PRLR: variants seen among roughly 807,000 people sequenced by gnomAD.
The protein encoded by PRLR is hPRL receptor.
Under a neutral mutation model 40.2 loss-of-function variants are expected in PRLR, and 13 were observed. The ratio of observed to expected loss-of-function variants is 0.32; its 90% CI spans 0.21 to 0.51. PRLR has a LOEUF of 0.51. Among genes scored for constraint, PRLR ranks in the 20% least tolerant of loss-of-function variants. The pLI, the probability that PRLR is intolerant of heterozygous loss-of-function variation, is 0.97. For missense variants in PRLR, 656 were observed against 747.3 expected, an observed-to-expected ratio of 0.88 and a Z score of 1.42; for synonymous variants, 269 against 278.7, an observed-to-expected ratio of 0.97 and a Z score of 0.35.
chr5:35,110,367 A>AAAAAAT lies in PRLR; in HGVS notation c.-44+7688_-44+7693dup, dbSNP rs1382465152. On this transcript the variant is annotated intron_variant, in intron 2 of 9. Coordinates refer to ENST00000618457, the MANE Select transcript of PRLR (RefSeq NM_000949.7). ...ACCCTAAAACTTAAAGTATAATAAA[A>AAAAAAT]AAAAATAAGAGCAAGGATATTGTGA... Among the ~76,000 whole-genome samples the AAAAAAT allele has an allele frequency of 3.3e-5, 5 of 152,266 alleles. No homozygotes were observed. In the East Asian group the frequency reaches 9.7e-4, roughly 29 times the overall value.
At chr5:35,088,062 A>G (rs531230643) in intron 3 of PRLR, among the ~76,000 whole-genome samples, 157 of 152,350 alleles carry the variant, frequency 1.0e-3, no homozygotes, top group Middle Eastern at 6.8e-3. Flanking sequence ...AGGAGACCTC[A>G]GTGAGGAGAA....
intron 1 of PRLR, among the ~76,000 whole-genome samples, chr5:35,206,720 A>G (rs1035368287): frequency 3.9e-4 from 59 of 152,126 alleles, no homozygotes; most frequent in African/African-American, 1.4e-3. Flanking sequence ...AAATAAAAAG[A>G]AGGGTGACGA....
intron 5 of PRLR, 103 bp downstream of exon 5, chr5:35,084,367 T>G (rs113659863): frequency 1.0e-4 from 120 of 1,164,902 alleles, no homozygotes; most frequent in Non-Finnish European, 1.4e-4. Context: ...TCATCTTTCT[T>G]TTTGGGGATC....
chr5:35,160,488 T>C (rs1774643005), intron 1 of PRLR, among the ~76,000 whole-genome samples: 1 of 152,156 alleles, frequency 6.6e-6, no homozygotes, highest in African/African-American at 2.4e-5. Flanking sequence ...TAGGTTATGG[T>C]TTAAATGATA....
At chr5:35,050,914 A>G (rs1485464721), downstream of PRLR, among the ~76,000 whole-genome samples, 2 of 152,246 alleles carry the variant, frequency 1.3e-5, no homozygotes, top group Non-Finnish European at 2.9e-5. Context: ...TTAATGGATT[A>G]TGAAGAATGC....
Position 35,171,020 on chromosome 5 carries a change from C to T in PRLR, c.-105-52898G>A, listed in dbSNP as rs150564988. ...AGGGTGAATTTAGTTTCCTCTTTTC[C>T]GGCTTGTTTCTGTTTGCTGTTTTTC... On this transcript the variant is annotated intron_variant, in intron 1 of 9. Coordinates refer to ENST00000618457, the MANE Select transcript of PRLR (RefSeq NM_000949.7). Among the ~76,000 whole-genome samples the T allele has an allele frequency of 2.4e-3, 356 of 149,802 alleles. 1 individual carries two copies. The highest frequency in any genetic ancestry group is 8.2e-3 in the African/African-American group (336 of 40,772).
In PRLR at chr5:35,057,890, T is replaced by C. The variant is rs1246963917; in HGVS notation, c.*7199A>G. 1 of 152,004 alleles carries C rather than the reference T, an allele frequency of 6.6e-6. No homozygotes were observed. Among genetic ancestry groups the C allele is most frequent in the Non-Finnish European group, 1.5e-5 (1 of 67,962 alleles). The allele number at this position is 152,004 out of a possible 1,614,324, so 9.4% of individuals were successfully genotyped here. On this transcript the variant is annotated 3_prime_UTR_variant, in exon 10 of 10. Transcript: ENST00000618457. ...GACTAAAATCAAATAAGGAAAAGGGTTATTTCTAGGGGGGTTACAGAAGTC... is the reference window on the plus strand; with the variant it reads ...GACTAAAATCAAATAAGGAAAAGGGCTATTTCTAGGGGGGTTACAGAAGTC...
chr5:35,194,935 G>A (rs545070885), intron 1 of PRLR, among the ~76,000 whole-genome samples: 15 of 152,188 alleles, frequency 9.9e-5, no homozygotes, highest in Non-Finnish European at 1.9e-4. Context: ...TATCAACATC[G>A]GTTCATCATG....
rs769529434 is a variant in PRLR at position 35,068,202 on chromosome 5, C to T, written c.855+14G>A. 4.4e-6 allele frequency: 7 copies of T among 1,600,406 alleles called. No homozygotes were observed. The highest frequency in any genetic ancestry group is 3.3e-4 in the Middle Eastern group (2 of 6,020). ...CAGTGAGTCACACTCCATTTTTTTG[C>T]CTCCTGTACTTACCTCCAACAGATG... On this transcript the variant is annotated intron_variant, in intron 9 of 9. Coordinates refer to ENST00000618457, the MANE Select transcript of PRLR (RefSeq NM_000949.7).
chr5:35,125,866 A>G (rs1418510828), intron 1 of PRLR, among the ~76,000 whole-genome samples: 1 of 152,228 alleles, frequency 6.6e-6, no homozygotes, highest in Non-Finnish European at 1.5e-5. Context: ...TTTTCCAATT[A>G]TGTCAGCCTG....
At position 35,109,857 on chromosome 5, in the gene PRLR, C is replaced by T. The variant is rs570205797; in HGVS notation, c.-44+8204G>A. ...GGAAATACCGTTTGACCCAGCCATC[C>T]CATTACTGCATATATACCCAAGGGA... On this transcript the variant is annotated intron_variant, in intron 2 of 9. Transcript: ENST00000618457. Among the ~76,000 whole-genome samples, 8 of 152,276 alleles carry T rather than the reference C, an allele frequency of 5.3e-5. No individual in the cohort carries two copies. In the East Asian group the frequency reaches 1.5e-3, roughly 29 times the overall value.
chr5:35,105,894 C>G (rs1459105116), intron 2 of PRLR, among the ~76,000 whole-genome samples: 1 of 152,074 alleles, frequency 6.6e-6, no homozygotes, highest in East Asian at 1.9e-4. Flanking sequence ...AGATACTCCT[C>G]GAGAAGAGCA....
In PRLR at chr5:35,057,393, T is replaced by C. The variant is rs1202218721; in HGVS notation, c.*7696A>G. The C allele has an allele frequency of 6.6e-6, 1 of 152,090 alleles. No individual in the cohort carries two copies. Among genetic ancestry groups the C allele is most frequent in the East Asian group, 1.9e-4 (1 of 5,194 alleles). The allele number at this position is 152,090 out of a possible 1,614,324, so 9.4% of individuals were successfully genotyped here. A position where few individuals can be genotyped will look rare whatever the true frequency, so the allele number is the denominator to read the frequency against. The stretch of plus-strand genomic sequence containing the variant: ...CTCATCTCCATTTCAAATAAAAAAA[T>C]AGAGCAAGAGTAGGTAAGGGAATTA... On this transcript the variant is annotated 3_prime_UTR_variant, in exon 10 of 10. Coordinates refer to ENST00000618457, the MANE Select transcript of PRLR (RefSeq NM_000949.7).
chr5:35,144,461 A>C (rs1294205190), intron 1 of PRLR, among the ~76,000 whole-genome samples: 2 of 152,044 alleles, frequency 1.3e-5, no homozygotes, highest in Non-Finnish European at 1.5e-5. Context: ...TTTTAATTTA[A>C]TTTTTTTGAG....
At chr5:35,184,926 G>A (rs1300140431) in intron 1 of PRLR, among the ~76,000 whole-genome samples, 3 of 152,228 alleles carry the variant, frequency 2.0e-5, no homozygotes, top group Non-Finnish European at 4.4e-5. Context: ...GGTGTTACTG[G>A]TTTAGAATGA....
intron 1 of PRLR, among the ~76,000 whole-genome samples, chr5:35,154,076 A>G (rs1208220298): frequency 1.3e-5 from 2 of 152,234 alleles, no homozygotes; most frequent in Non-Finnish European, 2.9e-5. Context: ...ACAGCAGCTT[A>G]CCAAAATGGG....
chr5:35,105,362 G>A (rs1772166615), intron 2 of PRLR, among the ~76,000 whole-genome samples: 3 of 152,188 alleles, frequency 2.0e-5, no homozygotes, highest in Admixed American at 2.0e-4. Flanking sequence ...GAACAAAGAT[G>A]GACAGAGAAT....
At position 35,064,267 on chromosome 5, in the gene PRLR, G is replaced by C. The variant is rs769136210; in HGVS notation, c.*822C>G. The C allele has an allele frequency of 2.0e-5, 3 of 152,106 alleles. No homozygotes were observed. The highest frequency in any genetic ancestry group is 2.9e-5 in the Non-Finnish European group (2 of 68,024). The allele number at this position is 152,106 out of a possible 1,614,324, so 9.4% of individuals were successfully genotyped here. A position where few individuals can be genotyped will look rare whatever the true frequency, so the allele number is the denominator to read the frequency against. Reference sequence around the variant, plus strand: ...GTAATTCCATTAGCATCCTGCTGTGGTTTTCTTTTCAAGTTAGTCTTTAGG... The same window carrying C: ...GTAATTCCATTAGCATCCTGCTGTGCTTTTCTTTTCAAGTTAGTCTTTAGG... On this transcript the variant is annotated 3_prime_UTR_variant, in exon 10 of 10. Coordinates refer to ENST00000618457, the MANE Select transcript of PRLR (RefSeq NM_000949.7).
At chr5:35,169,511 G>A (rs888028899) in intron 1 of PRLR, among the ~76,000 whole-genome samples, 11 of 152,132 alleles carry the variant, frequency 7.2e-5, no homozygotes, top group Admixed American at 5.9e-4. Context: ...TCATGATGGT[G>A]GAAACTGGAT....
Sources: allele counts gnomAD v4.1 joint callset (sites outside exome capture counted in the v4.1 genomes callset), GRCh38; gene constraint gnomAD v4.1.1; transcripts MANE v1.5; gene names NCBI Gene and HGNC (gene_info 2026-07-23, HGNC 2026-07-21).